COL13A1: variants seen among roughly 807,000 people sequenced by gnomAD.
COL13A1 encodes the protein collagen type XIII alpha 1 chain.
COL13A1 carries 89 observed loss-of-function variants against 130.9 expected under a neutral mutation model. The ratio of observed to expected loss-of-function variants is 0.68; its 90% confidence interval spans 0.57 to 0.81. COL13A1 has a LOEUF of 0.81. Among genes scored for constraint, COL13A1 ranks in the 30% least tolerant of loss-of-function variants. The probability of loss-of-function intolerance (pLI) is 0.00; values close to 1 mark genes in which losing one functional copy is unlikely to be tolerated. For synonymous variants in COL13A1, 402 were observed against 341.6 expected (o/e 1.18, Z -1.95); for missense variants, 879 against 934.6 (o/e 0.94, Z 0.78).
chr10:69,820,983 A>G (rs1564754263), intron 1 of COL13A1, among the ~76,000 whole-genome samples: 1 of 152,094 alleles, frequency 6.6e-6, no homozygotes, highest in Non-Finnish European at 1.5e-5. Context: ...GACACCTCCC[A>G]TATTACTTTC....
intron 36 of COL13A1, among the ~76,000 whole-genome samples, chr10:69,944,469 A>G (rs959768579): frequency 1.3e-5 from 2 of 152,102 alleles, no homozygotes; most frequent in Admixed American, 6.5e-5. Context: ...CAGCCTGGAC[A>G]ACATAGCGCA....
chr10:69,947,377 C>T (rs2068717452), intron 38 of COL13A1, 35 bp downstream of exon 38: 1 of 1,584,346 alleles, frequency 6.3e-7, no homozygotes, highest in African/African-American at 1.4e-5. Flanking sequence ...GCTCTAGTTA[C>T]TAATGTCTTC....
At chr10:69,811,488 C>T (rs1014270184) in intron 1 of COL13A1, among the ~76,000 whole-genome samples, 18 of 152,206 alleles carry the variant, frequency 1.2e-4, no homozygotes, top group Non-Finnish European at 2.9e-5. Context: ...TGCCAGGGCT[C>T]TTCCAGGAAT....
At chr10:69,813,555 T>G (rs1843624982) in intron 1 of COL13A1, among the ~76,000 whole-genome samples, 1 of 152,142 alleles carries the variant, frequency 6.6e-6, no homozygotes, top group South Asian at 2.1e-4. Flanking sequence ...CCTGGGAGTC[T>G]GTGATCAGGT....
chr10:69,850,871 G>C (rs1331725800), intron 2 of COL13A1, among the ~76,000 whole-genome samples: 1 of 152,250 alleles, frequency 6.6e-6, no homozygotes, highest in Non-Finnish European at 1.5e-5. Context: ...GGCCATGAAG[G>C]GGGTTCTTGG....
At chr10:69,916,758 G>A (rs1388784047) in intron 17 of COL13A1, among the ~76,000 whole-genome samples, 1 of 152,166 alleles carries the variant, frequency 6.6e-6, no homozygotes, top group Non-Finnish European at 1.5e-5. Context: ...ATGCCCTTGG[G>A]GAGAGTTAGA....
intron 17 of COL13A1, among the ~76,000 whole-genome samples, chr10:69,913,519 C>A (rs1215988366): frequency 2.0e-5 from 3 of 152,192 alleles, no homozygotes; most frequent in Non-Finnish European, 4.4e-5. Flanking sequence ...TAGACAGGCT[C>A]ACACAAAGAC....
intron 1 of COL13A1, among the ~76,000 whole-genome samples, chr10:69,808,446 G>T (rs1564717404): frequency 6.6e-6 from 1 of 152,158 alleles, no homozygotes; most frequent in Non-Finnish European, 1.5e-5. Flanking sequence ...TGTGTTGTTG[G>T]CTTTCCTTAT....
chr10:69,929,298 G>A (rs911832800), intron 28 of COL13A1, among the ~76,000 whole-genome samples: 2 of 151,724 alleles, frequency 1.3e-5, no homozygotes, highest in Non-Finnish European at 2.9e-5. Context: ...CCCCATCAGG[G>A]ACCTCGGCAT....
intron 24 of COL13A1, among the ~76,000 whole-genome samples, 199 bp from the exon 25 acceptor site, chr10:69,924,764 G>A (rs2065130018): frequency 6.6e-6 from 1 of 152,166 alleles, no homozygotes; most frequent in Non-Finnish European, 1.5e-5. Flanking sequence ...TCTGAAGTGG[G>A]AGGCAGCCCA....
At chr10:69,837,387 C>T (rs778615175) in intron 2 of COL13A1, among the ~76,000 whole-genome samples, 2 of 152,232 alleles carry the variant, frequency 1.3e-5, no homozygotes, top group African/African-American at 2.4e-5. Context: ...GCCAATGCCA[C>T]AGACTCCTGA....
At chr10:69,940,014 C>A (rs2067416840) in intron 34 of COL13A1, among the ~76,000 whole-genome samples, 1 of 152,192 alleles carries the variant, frequency 6.6e-6, no homozygotes. Context: ...CTTACCAGGC[C>A]AGAGTATTGC....
In COL13A1 at chr10:69,802,522, G is replaced by A. The variant is rs767703476; in HGVS notation, c.99G>A (p.Ala33=). Residue 33 remains alanine (A), a synonymous_variant, in exon 1 of 41, where the codon GCG becomes GCA. Coordinates refer to ENST00000645393, the MANE Select transcript of COL13A1 (RefSeq NM_001368882.1). ...PGTVALVAAR[A]ERGARLPSPG... is the part of the protein sequence containing the mutation. ...CGGTGGCTCTGGTGGCGGCGCGGGC[G>A]GAGCGCGGCGCACGGCTGCCGAGTC... 1.3e-6 allele frequency: 2 copies of A among 1,572,094 alleles called. No homozygotes were observed. The highest frequency in any genetic ancestry group is 2.4e-5 in the East Asian group (1 of 41,568).
In COL13A1 at chr10:69,937,667, GA is replaced by G; in HGVS notation, c.1833del (p.Gly612AlafsTer53). 1 of 1,588,242 alleles carries G rather than the reference GA, an allele frequency of 6.3e-7. No individual in the cohort carries two copies. Among genetic ancestry groups the G allele is most frequent in the Non-Finnish European group, 8.6e-7 (1 of 1,156,494 alleles). On this transcript the variant is annotated frameshift_variant, in exon 34 of 41. Coordinates refer to ENST00000645393, the MANE Select transcript of COL13A1 (RefSeq NM_001368882.1). LOFTEE classifies it high-confidence loss of function. The part of the protein sequence containing the change: ...EAGLDGAKGE[K>X]GFQGEKGDRG... Reference sequence around the variant, plus strand: ...CAGGACTAGATGGAGCAAAAGGAGAGAAAGGCTTCCAGGGAGAAAAAGGAGA... The same window carrying G: ...CAGGACTAGATGGAGCAAAAGGAGAGAAGGCTTCCAGGGAGAAAAAGGAGA...
intron 2 of COL13A1, among the ~76,000 whole-genome samples, chr10:69,841,527 C>T (rs940765188): frequency 2.6e-5 from 4 of 152,204 alleles, no homozygotes; most frequent in African/African-American, 9.7e-5. Flanking sequence ...TATCATTCAA[C>T]ACATATTACT....
chr10:69,809,685 G>A (rs1368030110), intron 1 of COL13A1, among the ~76,000 whole-genome samples: 1 of 152,250 alleles, frequency 6.6e-6, no homozygotes, highest in Non-Finnish European at 1.5e-5. Flanking sequence ...CAGGGGCTGG[G>A]GATCTGTTCA....
chr10:69,924,981 G>A lies in COL13A1; in HGVS notation c.1303G>A (p.Gly435Arg), dbSNP rs1054218020. ...PGDKGERGAA[G>R]EQGPDGPKGS... ...GCAACAGGGGGAGCGTGGAGCAGCT[G>A]GAGAACAGGGACCAGATGGCCCCAA... Residue 435 changes from glycine to arginine, a missense_variant, in exon 25 of 41, where the codon GGA (glycine) becomes AGA (arginine). Coordinates refer to ENST00000645393, the MANE Select transcript of COL13A1 (RefSeq NM_001368882.1). 1.3e-6 allele frequency: 2 copies of A among 1,594,022 alleles called. No homozygotes were observed. Among genetic ancestry groups the A allele is most frequent in the Non-Finnish European group, 1.7e-6 (2 of 1,170,716 alleles).
chr10:69,903,356 G>C (rs960148318), intron 15 of COL13A1, among the ~76,000 whole-genome samples: 1 of 152,224 alleles, frequency 6.6e-6, no homozygotes, highest in Non-Finnish European at 1.5e-5. Flanking sequence ...CAAGCCTGAG[G>C]ATGCATCAAG....
intron 35 of COL13A1, among the ~76,000 whole-genome samples, chr10:69,943,701 T>G (rs2068011331): frequency 6.6e-6 from 1 of 152,084 alleles, no homozygotes; most frequent in Non-Finnish European, 1.5e-5. Context: ...TCTGCCCCTG[T>G]GTGTGCATCC....
Sources: gnomAD v4.1 joint callset for allele counts (sites outside exome capture counted in the v4.1 genomes callset) on GRCh38, gnomAD v4.1.1 for gene constraint, MANE v1.5 for transcripts, NCBI Gene and HGNC (gene_info 2026-07-23, HGNC 2026-07-21) for gene names.